The following PDSS2 variants were observed in gnomAD, a reference collection of about 807,000 sequenced individuals.
The protein encoded by PDSS2 is decaprenyl diphosphate synthase subunit 2.
A neutral mutation model predicts 44.5 loss-of-function variants in PDSS2; 31 were observed. The observed-to-expected ratio is 0.70, with a 90% CI of 0.52 to 0.94. The LOEUF (loss-of-function observed/expected upper bound fraction) is 0.94. PDSS2 is among the 40% of genes least tolerant of loss of function. The pLI, the probability that PDSS2 is intolerant of heterozygous loss-of-function variation, is 0.00. For missense variants in PDSS2, 452 were observed against 482.2 expected (o/e 0.94, Z 0.59); for synonymous variants, 157 against 180.3 (o/e 0.87, Z 1.03).
At chr6:107,296,500 T>C (rs1302603079) in intron 2 of PDSS2, among the ~76,000 whole-genome samples, 1 of 152,096 alleles carries the variant, frequency 6.6e-6, no homozygotes, top group Non-Finnish European at 1.5e-5. Flanking sequence ...CTGAGGTGGG[T>C]GGATCACCTG....
At chr6:107,431,872 GAGAT>G (rs1392114088) in intron 1 of PDSS2, among the ~76,000 whole-genome samples, 1 of 152,138 alleles carries the variant, frequency 6.6e-6, no homozygotes, top group East Asian at 1.9e-4. Context: ...TTTTACAGAT[GAGAT>G]AACAAGGCTT....
intron 3 of PDSS2, among the ~76,000 whole-genome samples, chr6:107,257,830 T>C (rs960037172): frequency 5.3e-5 from 8 of 152,104 alleles, no homozygotes; most frequent in Non-Finnish European, 7.4e-5. Context: ...TATTGGTCAG[T>C]GGTATTAAAC....
At position 107,191,194 on chromosome 6, in the gene PDSS2, A is replaced by T. The variant is rs1196710271; in HGVS notation, c.1041+2628T>A. On this transcript the variant is annotated intron_variant, in intron 7 of 7. Transcript: ENST00000369037. ...GTGTGAGCCACCGTGCCCGGCCTAG[A>T]GCAATGAAGGGTTTTAAGCTGGAGA... 2.0e-5 allele frequency among the ~76,000 whole-genome samples: 3 copies of T among 152,200 alleles called. No homozygotes were observed. The East Asian group carries it at 5.8e-4, about 29-fold the overall frequency.
At chr6:107,450,557 A>T (rs2114852424) in intron 1 of PDSS2, among the ~76,000 whole-genome samples, 1 of 152,338 alleles carries the variant, frequency 6.6e-6, no homozygotes, top group African/African-American at 2.4e-5. Context: ...CATTCTAAAG[A>T]AAGGATCTTT....
chr6:107,295,517 G>T (rs1374399101), intron 2 of PDSS2, among the ~76,000 whole-genome samples: 4 of 152,142 alleles, frequency 2.6e-5, no homozygotes, highest in Non-Finnish European at 5.9e-5. Context: ...TTGGCTAAGT[G>T]CTTTATATAG....
chr6:107,392,463 T>C (rs1354201042), intron 1 of PDSS2, among the ~76,000 whole-genome samples: 2 of 152,210 alleles, frequency 1.3e-5, no homozygotes, highest in Non-Finnish European at 2.9e-5. Context: ...CATGTTCATC[T>C]TTAAAATTCT....
At chr6:107,218,487 A>G (rs1773491561) in intron 4 of PDSS2, among the ~76,000 whole-genome samples, 1 of 152,070 alleles carries the variant, frequency 6.6e-6, no homozygotes. Flanking sequence ...ATTATTTCCT[A>G]TATCCTTACC....
intron 2 of PDSS2, among the ~76,000 whole-genome samples, chr6:107,303,576 C>T (rs1776764354): frequency 1.3e-5 from 2 of 152,208 alleles, no homozygotes; most frequent in Non-Finnish European, 2.9e-5. Context: ...TGTGTTCATA[C>T]TATACATATG....
At chr6:107,232,056 G>A (rs1298941997) in intron 4 of PDSS2, among the ~76,000 whole-genome samples, 1 of 151,944 alleles carries the variant, frequency 6.6e-6, no homozygotes, top group Non-Finnish European at 1.5e-5. Flanking sequence ...CTCAAGACAC[G>A]GGTACCTGAT....
chr6:107,457,642 C>G (rs532088253), intron 1 of PDSS2, among the ~76,000 whole-genome samples: 4 of 152,210 alleles, frequency 2.6e-5, no homozygotes, highest in African/African-American at 7.2e-5. Flanking sequence ...CAGTTGAGAA[C>G]CAGTGCTCTA....
intron 1 of PDSS2, among the ~76,000 whole-genome samples, chr6:107,347,255 T>C (rs1393049778): frequency 7.9e-6 from 1 of 125,862 alleles, no homozygotes; most frequent in African/African-American, 3.0e-5. Flanking sequence ...AATTATATCT[T>C]CTTTTTTTTT....
At chr6:107,165,645 C>G (rs1258416833) in intron 7 of PDSS2, among the ~76,000 whole-genome samples, 1 of 151,294 alleles carries the variant, frequency 6.6e-6, no homozygotes, top group Non-Finnish European at 1.5e-5. Flanking sequence ...CTTGGCAATG[C>G]AGGCTCTTTT....
chr6:107,300,475 G>A (rs1776657574), intron 2 of PDSS2, among the ~76,000 whole-genome samples: 1 of 152,144 alleles, frequency 6.6e-6, no homozygotes. Context: ...AGCCTAGCTG[G>A]GGAAGGAGAC....
At chr6:107,422,932 CT>C (rs1467852832) in intron 1 of PDSS2, among the ~76,000 whole-genome samples, 1 of 152,064 alleles carries the variant, frequency 6.6e-6, no homozygotes, top group Admixed American at 6.6e-5. Flanking sequence ...TATTACGATG[CT>C]AAAAGCACTA....
intron 4 of PDSS2, among the ~76,000 whole-genome samples, chr6:107,235,490 A>C (rs1254064349): frequency 6.6e-6 from 1 of 152,210 alleles, no homozygotes; most frequent in East Asian, 1.9e-4. Flanking sequence ...GCCTTAGACT[A>C]AATGCTATTC....
intron 4 of PDSS2, among the ~76,000 whole-genome samples, chr6:107,218,711 C>G (rs1327732852): frequency 1.3e-5 from 2 of 152,178 alleles, no homozygotes; most frequent in African/African-American, 4.8e-5. Flanking sequence ...CTCTCTCCCT[C>G]TTTTGTACCT....
At chr6:107,437,708 C>A (rs1324141208) in intron 1 of PDSS2, among the ~76,000 whole-genome samples, 2 of 151,948 alleles carry the variant, frequency 1.3e-5, no homozygotes, top group African/African-American at 4.8e-5. Flanking sequence ...CTTCACATTC[C>A]CCTATGCCCC....
Position 107,153,505 on chromosome 6 carries a change from G to A in PDSS2, c.*1114C>T, listed in dbSNP as rs1197883007. 1 of 152,274 alleles carries A rather than the reference G, an allele frequency of 6.6e-6. No individual in the cohort carries two copies. Among genetic ancestry groups the A allele is most frequent in the East Asian group, 1.9e-4 (1 of 5,188 alleles). 9.4% of individuals were successfully genotyped at this position (152,274 alleles called of 1,614,324 possible). On this transcript the variant is annotated 3_prime_UTR_variant, in exon 8 of 8. Coordinates refer to ENST00000369037, the MANE Select transcript of PDSS2 (RefSeq NM_020381.4). ...GTTTCTGAAACTCGTAAAAATTAAAGTATGCCTTAAACCAAAGTATTACAA... is the reference window on the plus strand; with the variant it reads ...GTTTCTGAAACTCGTAAAAATTAAAATATGCCTTAAACCAAAGTATTACAA...
chr6:107,351,416 T>A (rs368357989), intron 1 of PDSS2, among the ~76,000 whole-genome samples: 1 of 152,206 alleles, frequency 6.6e-6, no homozygotes. Flanking sequence ...TTCAGGATTA[T>A]TTTGTTTTTA....
Sources: allele counts gnomAD v4.1 joint callset (sites outside exome capture counted in the v4.1 genomes callset), GRCh38; gene constraint gnomAD v4.1.1; transcripts MANE v1.5; gene names NCBI Gene and HGNC (gene_info 2026-07-23, HGNC 2026-07-21).